EIF3E: variants seen among roughly 807,000 people sequenced by gnomAD.
EIF3E encodes eIF-3 p48.
In EIF3E, 25 loss-of-function variants were observed where a neutral mutation model predicts 59.3. The observed-to-expected ratio is 0.42, with a 90% CI of 0.31 to 0.59. The LOEUF (loss-of-function observed/expected upper bound fraction) is 0.59. Ranked by LOEUF, EIF3E falls within the 20% of genes least tolerant of loss-of-function variation. EIF3E has a pLI of 0.15. For missense variants in EIF3E, 317 were observed against 534.3 expected, an observed-to-expected ratio of 0.59 and a Z score of 4.01; for synonymous variants, 176 against 170.2, an observed-to-expected ratio of 1.03 and a Z score of -0.26.
intron 7 of EIF3E, among the ~76,000 whole-genome samples, chr8:108,220,225 T>C (rs191178959): frequency 1.3e-5 from 2 of 152,330 alleles, no homozygotes; most frequent in African/African-American, 2.4e-5. Context: ...GACAAGCATA[T>C]TATTTTAATT....
intron 2 of EIF3E, among the ~76,000 whole-genome samples, chr8:108,240,825 C>G (rs1343221271): frequency 4.6e-5 from 7 of 151,958 alleles, no homozygotes; most frequent in Non-Finnish European, 8.8e-5. Flanking sequence ...ACTAAAAATA[C>G]AAAAATTAGC....
intron 3 of EIF3E, among the ~76,000 whole-genome samples, chr8:108,237,657 A>G (rs953078954): frequency 6.6e-6 from 1 of 152,218 alleles, no homozygotes; most frequent in African/African-American, 2.4e-5. Flanking sequence ...TGGAGCAGAG[A>G]TATGTCCCCA....
At chr8:108,212,519 C>T (rs957567456) in intron 10 of EIF3E, among the ~76,000 whole-genome samples, 12 of 152,064 alleles carry the variant, frequency 7.9e-5, no homozygotes, top group South Asian at 4.1e-4. Context: ...CTTGAAAAAA[C>T]GCTGGGCGCA....
At chr8:108,205,780 C>T (rs975829930) in intron 10 of EIF3E, among the ~76,000 whole-genome samples, 1 of 107,816 alleles carries the variant, frequency 9.3e-6, no homozygotes, top group Non-Finnish European at 1.9e-5. Flanking sequence ...TTCAAGGAAC[C>T]ATTTTTTACT....
chr8:108,210,963 A>G (rs1428212408), intron 10 of EIF3E, among the ~76,000 whole-genome samples: 3 of 152,196 alleles, frequency 2.0e-5, no homozygotes, highest in Non-Finnish European at 4.4e-5. Context: ...TCCATGGTGT[A>G]TATGTGTCAC....
chr8:108,222,102 T>C (rs1563631627), intron 7 of EIF3E, among the ~76,000 whole-genome samples: 1 of 152,096 alleles, frequency 6.6e-6, no homozygotes, highest in Non-Finnish European at 1.5e-5. Context: ...GAGTGCAGTG[T>C]TACAGTCATA....
chr8:108,217,834 T>C (rs751953547), intron 7 of EIF3E, among the ~76,000 whole-genome samples: 1 of 152,216 alleles, frequency 6.6e-6, no homozygotes, highest in African/African-American at 2.4e-5. Flanking sequence ...TGAAAACCTA[T>C]GTGCAAAGCA....
chr8:108,207,770 TG>T (rs1296966093), intron 10 of EIF3E, among the ~76,000 whole-genome samples: 1 of 152,210 alleles, frequency 6.6e-6, no homozygotes, highest in African/African-American at 2.4e-5. Context: ...AAATAAGATA[TG>T]CACAGAATTC....
intron 7 of EIF3E, among the ~76,000 whole-genome samples, chr8:108,220,883 G>A (rs1280143769): frequency 5.9e-5 from 9 of 152,172 alleles, no homozygotes; most frequent in Non-Finnish European, 1.2e-4. Context: ...ATGCCTGGGC[G>A]TAGTGGTGTG....
intron 3 of EIF3E, among the ~76,000 whole-genome samples, chr8:108,237,577 C>T (rs1815757245): frequency 6.6e-6 from 1 of 152,170 alleles, no homozygotes; most frequent in African/African-American, 2.4e-5. Flanking sequence ...AAAACATTTT[C>T]TTATCCTTCT....
intron 10 of EIF3E, among the ~76,000 whole-genome samples, chr8:108,213,686 A>T (rs923825900): frequency 6.6e-6 from 1 of 152,202 alleles, no homozygotes; most frequent in African/African-American, 2.4e-5. Flanking sequence ...AACCAATTAC[A>T]TTATTAGGAA....
chr8:108,241,720 C>G, intron 2 of EIF3E, 79 bp downstream of exon 2: 1 of 788,886 alleles, frequency 1.3e-6, no homozygotes, highest in African/African-American at 1.8e-5. Flanking sequence ...TTGGCTAAAG[C>G]TGTCTTATAA....
chr8:108,215,765 A>T (rs138630737), intron 9 of EIF3E, among the ~76,000 whole-genome samples: 447 of 152,334 alleles, frequency 2.9e-3, no homozygotes, highest in African/African-American at 0.01. Flanking sequence ...GTAACTTGTG[A>T]ATCTGGTAAA....
chr8:108,209,054 T>C (rs1815158775), intron 10 of EIF3E, among the ~76,000 whole-genome samples: 2 of 151,890 alleles, frequency 1.3e-5, no homozygotes, highest in South Asian at 2.1e-4. Context: ...CTTACAGGCA[T>C]TTAGTCAGGA....
At chr8:108,202,208 G>A (rs1298223997) in intron 12 of EIF3E, among the ~76,000 whole-genome samples, 1 of 151,902 alleles carries the variant, frequency 6.6e-6, no homozygotes, top group African/African-American at 2.4e-5. Context: ...AAAGCATACA[G>A]AAAAAAACAT....
At chr8:108,231,032 A>G (rs1453890103) in intron 5 of EIF3E, among the ~76,000 whole-genome samples, 1 of 152,176 alleles carries the variant, frequency 6.6e-6, no homozygotes, top group Non-Finnish European at 1.5e-5. Context: ...TATGGCCACA[A>G]AAGAACAAAA....
chr8:108,248,225 G>A (rs919349655), intron 1 of EIF3E, among the ~76,000 whole-genome samples: 3 of 152,148 alleles, frequency 2.0e-5, no homozygotes, highest in African/African-American at 7.2e-5. Flanking sequence ...GCTTCCCACA[G>A]TTCCCAAAAG....
chr8:108,239,765 A>T (rs1815801745), intron 3 of EIF3E, among the ~76,000 whole-genome samples, 193 bp downstream of exon 3: 1 of 152,132 alleles, frequency 6.6e-6, no homozygotes, highest in African/African-American at 2.4e-5. Flanking sequence ...TTAGGAAAAA[A>T]ACTTAGTGTT....
At chr8:108,205,594 G>C (rs1815085005) in intron 10 of EIF3E, among the ~76,000 whole-genome samples, 1 of 152,138 alleles carries the variant, frequency 6.6e-6, no homozygotes. Flanking sequence ...CAATTGATAA[G>C]CTTTAAATTG....
Sources: gnomAD v4.1 joint callset for allele counts (sites outside exome capture counted in the v4.1 genomes callset) on GRCh38, gnomAD v4.1.1 for gene constraint, MANE v1.5 for transcripts, NCBI Gene and HGNC (gene_info 2026-07-23, HGNC 2026-07-21) for gene names.